The following KIAA1671 variants were observed in gnomAD, a reference collection of about 807,000 sequenced individuals.
The protein encoded by KIAA1671 is uncharacterized protein KIAA1671.
In KIAA1671, 52 loss-of-function variants were observed where a neutral mutation model predicts 131.2. That is an observed-to-expected ratio of 0.40 (90% confidence interval 0.32 to 0.50). The LOEUF is 0.50. Among genes scored for constraint, KIAA1671 ranks in the 20% least tolerant of loss-of-function variants. KIAA1671 has a pLI of 0.73. For missense variants in KIAA1671, 2,360 were observed against 2,364.2 expected (o/e 1.00, Z 0.04); for synonymous variants, 1,003 against 961.6 (o/e 1.04, Z -0.80).
chr22:25,036,780 C>A (rs1926621675), intron 4 of KIAA1671, among the ~76,000 whole-genome samples: 1 of 151,956 alleles, frequency 6.6e-6, no homozygotes. Flanking sequence ...AAAAATTAGC[C>A]AGGCGTGGTG....
rs1386919927 is a variant in KIAA1671, at chr22:25,039,996, G to C, written c.2866G>C (p.Val956Leu). Reference sequence around the variant, plus strand: ...GCGGCGGCGGACTTTACCCCCCAACGTGAAATTTGATACATTCAGTTCTCT... The same window carrying C: ...GCGGCGGCGGACTTTACCCCCCAACCTGAAATTTGATACATTCAGTTCTCT... ...RWRRRTLPPN[V>L]KFDTFSSLVP... The change falls in exon 5 of 13, where the codon GTG (valine) becomes CTG (leucine). Residue 956 changes from valine (V) to leucine (L), a missense_variant. Val to Leu is a conservative substitution (Grantham distance 32). Coordinates refer to ENST00000358431, the MANE Select transcript of KIAA1671 (RefSeq NM_001145206.2). 1 of 1,551,236 alleles carries C rather than the reference G, an allele frequency of 6.4e-7. No individual in the cohort carries two copies. Among genetic ancestry groups the C allele is most frequent in the Non-Finnish European group, 8.7e-7 (1 of 1,146,718 alleles).
chr22:25,117,904 C>T (rs569954419), intron 6 of KIAA1671, among the ~76,000 whole-genome samples: 196 of 151,958 alleles, frequency 1.3e-3, no homozygotes, highest in African/African-American at 4.4e-3. Context: ...TTTGGGAGGC[C>T]GAGGCGGGCG....
Position 25,093,808 on chromosome 22 carries a change from CTCTG to C in KIAA1671, c.4530+44448_4530+44451del, listed in dbSNP as rs1568951412. On this transcript the variant is annotated intron_variant, in intron 6 of 12. Coordinates refer to ENST00000358431, the MANE Select transcript of KIAA1671 (RefSeq NM_001145206.2). ...TCTCTCTCTCTCTCTCTCTCTCTCTCTCTGTCTCTCTCTCTTTCTCTCTCTGTCT... is the reference window on the plus strand; with the variant it reads ...TCTCTCTCTCTCTCTCTCTCTCTCTCTCTCTCTCTCTTTCTCTCTCTGTCT... 5.7e-4 allele frequency among the ~76,000 whole-genome samples: 74 copies of C among 130,822 alleles called. 2 individuals are homozygous for C. The highest frequency in any genetic ancestry group is 1.2e-3 in the South Asian group (5 of 4,038). 85.8% of individuals were successfully genotyped at this position (130,822 alleles called of 152,430 possible).
rs1926053755 is a variant in KIAA1671 at position 25,028,137 on chromosome 22, G to A, written c.138G>A (p.Arg46=). The change falls in exon 3 of 13, where the codon CGG becomes CGA. Residue 46 remains arginine (R), a synonymous_variant. Coordinates refer to ENST00000358431, the MANE Select transcript of KIAA1671 (RefSeq NM_001145206.2). The part of the protein sequence containing the change: ...AGEASGAPPA[R]ILEAKSPLRS... ...AAGCCTCTGGGGCTCCCCCAGCCCG[G>A]ATCTTGGAAGCGAAGAGCCCCCTGC... The A allele has an allele frequency of 6.4e-7, 1 of 1,551,160 alleles. No homozygotes were observed. The highest frequency in any genetic ancestry group is 8.7e-7 in the Non-Finnish European group (1 of 1,146,740).
At chr22:25,020,398 G>A (rs912777630) in intron 1 of KIAA1671, among the ~76,000 whole-genome samples, 7 of 152,166 alleles carry the variant, frequency 4.6e-5, no homozygotes, top group South Asian at 2.1e-4. Flanking sequence ...TTACATTGTC[G>A]CTAGGACCAG....
chr22:25,028,657 A>G lies in KIAA1671; in HGVS notation c.658A>G (p.Lys220Glu). ...EEAGQDHPPS[K>E]ASSVEDTARP... ...GGCAGGCCAAGACCATCCTCCCTCA[A>G]AGGCCAGCAGTGTGGAGGACACGGC... Residue 220 changes from lysine (K) to glutamate (E), a missense_variant, in exon 3 of 13, where the codon AAG becomes GAG. This residue lies in a region of KIAA1671 where 1,185 missense variants were observed against 1,126.2 expected (regional missense o/e 1.05). Transcript: ENST00000358431. 6.4e-7 allele frequency: 1 copy of G among 1,551,202 alleles called. No individual in the cohort carries two copies. The highest frequency in any genetic ancestry group is 1.2e-5 in the South Asian group (1 of 84,062).
chr22:25,061,013 G>C (rs1344530252), intron 6 of KIAA1671: 1 of 152,134 alleles, frequency 6.6e-6, no homozygotes, highest in East Asian at 1.9e-4. Context: ...CCTGACATCA[G>C]AGCTGCCCAG....
intron 6 of KIAA1671, among the ~76,000 whole-genome samples, chr22:25,078,599 A>G (rs17668246): frequency 0.11 from 17,112 of 152,176 alleles, 1,159 homozygotes; most frequent in Non-Finnish European, 0.15. Flanking sequence ...GTTGAAAGCT[A>G]TTGTGGGGAC....
chr22:25,000,189 T>TTTG (rs1924367982), intron 1 of KIAA1671, among the ~76,000 whole-genome samples: 5 of 68,228 alleles, frequency 7.3e-5, no homozygotes, highest in Admixed American at 6.7e-4. Flanking sequence ...CGCCTGTTTT[T>TTTG]TTTTTTTTTT....
At chr22:25,142,045 T>C (rs1332427349) in intron 6 of KIAA1671, among the ~76,000 whole-genome samples, 4 of 152,202 alleles carry the variant, frequency 2.6e-5, no homozygotes, top group Non-Finnish European at 4.4e-5. Flanking sequence ...TTATAAGCCA[T>C]GAGACACCAC....
At chr22:25,000,532 T>C (rs188218573) in intron 1 of KIAA1671, among the ~76,000 whole-genome samples, 15 of 145,846 alleles carry the variant, frequency 1.0e-4, no homozygotes, top group African/African-American at 2.8e-4. Context: ...TCGATGTTGT[T>C]GTTGTTGTTT....
chr22:25,151,428 T>TG (rs1437405166), intron 6 of KIAA1671, among the ~76,000 whole-genome samples: 1 of 124,354 alleles, frequency 8.0e-6, no homozygotes, highest in Non-Finnish European at 1.6e-5. Flanking sequence ...CAACATGAAC[T>TG]CTTTTTTTTT....
chr22:25,174,039 C>G (rs1320598103), intron 7 of KIAA1671, among the ~76,000 whole-genome samples: 1 of 152,280 alleles, frequency 6.6e-6, no homozygotes, highest in East Asian at 1.9e-4. Context: ...CCAGGTGTTC[C>G]AGGCAGTGCC....
At chr22:25,041,804 G>C (rs1242706856) in intron 5 of KIAA1671, among the ~76,000 whole-genome samples, 6 of 152,166 alleles carry the variant, frequency 3.9e-5, no homozygotes, top group Admixed American at 1.3e-4. Flanking sequence ...GAGTGCAGTG[G>C]CATGATCATG....
chr22:25,049,512 C>A, intron 6 of KIAA1671, 148 bp downstream of exon 6: 2 of 835,508 alleles, frequency 2.4e-6, no homozygotes, highest in South Asian at 1.9e-5. Flanking sequence ...CTGGTGTCAC[C>A]TGACTAGCTG....
At chr22:25,177,755 C>T (rs190610357) in intron 9 of KIAA1671, among the ~76,000 whole-genome samples, 3 of 152,264 alleles carry the variant, frequency 2.0e-5, no homozygotes, top group African/African-American at 7.2e-5. Context: ...TTACAGTAGG[C>T]TTGCACTATG....
At chr22:25,098,490 G>A (rs5760850) in intron 6 of KIAA1671, among the ~76,000 whole-genome samples, 60,201 of 151,936 alleles carry the variant, frequency 0.4, 13,078 homozygotes, top group African/African-American at 0.59. Context: ...CCAAGTAATT[G>A]TAATTATTAA....
intron 6 of KIAA1671, among the ~76,000 whole-genome samples, chr22:25,146,019 T>A (rs967387972): frequency 1.3e-5 from 2 of 151,876 alleles, no homozygotes; most frequent in Admixed American, 6.6e-5. Context: ...TGTGCATGAG[T>A]GTGCACATGT....
At position 25,029,097 on chromosome 22, in the gene KIAA1671, C is replaced by A; in HGVS notation, c.1098C>A (p.Ser366Arg). 2.0e-6 allele frequency: 3 copies of A among 1,481,962 alleles called. No homozygotes were observed. The highest frequency in any genetic ancestry group is 1.8e-6 in the Non-Finnish European group (2 of 1,114,946). 91.8% of individuals were successfully genotyped at this position (1,481,962 alleles called of 1,614,324 possible). A position where few individuals can be genotyped will look rare whatever the true frequency, so the allele number is the denominator to read the frequency against. The change falls in exon 3 of 13, where the codon AGC (serine) becomes AGA (arginine). Residue 366 changes from serine to arginine, a missense_variant. By Grantham distance (110) the Ser-to-Arg change is moderately radical. Transcript: ENST00000358431. ...EKMLSKPEMG[S>R]PRALVGGSSG... ...TGCTTTCGAAGCCGGAGATGGGCAG[C>A]CCCAGAGCCCTGGTGGGGGGCTCAT...
Sources: allele counts gnomAD v4.1 joint callset (sites outside exome capture counted in the v4.1 genomes callset), GRCh38; gene constraint gnomAD v4.1.1; regional missense constraint gnomAD v4.1.1; transcripts MANE v1.5; gene names NCBI Gene and HGNC (gene_info 2026-07-23, HGNC 2026-07-21).